Variants in PDE3B observed in about 807,000 individuals in gnomAD.
The protein encoded by PDE3B is cGMP-inhibited 3',5'-cyclic phosphodiesterase 3B.
In PDE3B, 66 loss-of-function variants were observed where a neutral mutation model predicts 116.8. The ratio of observed to expected loss-of-function variants is 0.56; its 90% CI spans 0.46 to 0.69. The LOEUF (loss-of-function observed/expected upper bound fraction) is 0.69. PDE3B is among the 30% of genes least tolerant of loss of function. The pLI is 0.00. For synonymous variants in PDE3B, 595 were observed against 533.6 expected (o/e 1.12, Z -1.59); for missense variants, 1,384 against 1,368.1 (o/e 1.01, Z -0.18).
intron 1 of PDE3B, among the ~76,000 whole-genome samples, chr11:14,675,337 T>C (rs1158168132): frequency 6.6e-6 from 1 of 152,174 alleles, no homozygotes; most frequent in African/African-American, 2.4e-5. Flanking sequence ...CAGTATTTTT[T>C]CTTTCTTATC....
In PDE3B at chr11:14,786,640, T is replaced by C; in HGVS notation, c.1233T>C (p.Ser411=). 2 of 1,612,584 alleles carry C rather than the reference T, an allele frequency of 1.2e-6. No homozygotes were observed. Among genetic ancestry groups the C allele is most frequent in the Non-Finnish European group, 1.7e-6 (2 of 1,178,756 alleles). ...LTPFPGFYPC[S]EIEDPAEKGD... The stretch of plus-strand genomic sequence containing the variant: ...CATTTCCTGGATTTTACCCCTGTTC[T>C]GAAATAGAGGACCCAGCTGAGAAAG... Residue 411 remains serine (S), a synonymous_variant, in exon 3 of 16, where the codon TCT becomes TCC. Coordinates refer to ENST00000282096, the MANE Select transcript of PDE3B (RefSeq NM_000922.4).
chr11:14,699,443 T>G (rs527464537), intron 1 of PDE3B: 1 of 152,020 alleles, frequency 6.6e-6, no homozygotes, highest in South Asian at 2.1e-4. Context: ...AGCTGTTGTT[T>G]CATGTGGAAA....
intron 1 of PDE3B, among the ~76,000 whole-genome samples, chr11:14,722,431 A>G (rs1283262576): frequency 2.6e-5 from 4 of 152,240 alleles, no homozygotes; most frequent in African/African-American, 9.6e-5. Flanking sequence ...TAACATTTTT[A>G]TGTAATGAGA....
At position 14,645,005 on chromosome 11, in the gene PDE3B, T is replaced by G. The variant is rs963801154; in HGVS notation, c.930T>G (p.Ser310Arg). Residue 310 changes from serine (S) to arginine (R), a missense_variant, in exon 1 of 16, where the codon AGT becomes AGG. Physicochemically the swap from Ser to Arg is moderately radical, Grantham distance 110. Coordinates refer to ENST00000282096, the MANE Select transcript of PDE3B (RefSeq NM_000922.4). ...AAACTGCAGCCAGTTACTATGGCAG[T>G]TGCAAAATATTCAGGAGACCGTCGT... ...LGETAASYYG[S>R]CKIFRRPSLP... The G allele has an allele frequency of 7.4e-6, 12 of 1,613,154 alleles. No individual in the cohort carries two copies. Among genetic ancestry groups the G allele is most frequent in the Non-Finnish European group, 1.0e-5 (12 of 1,179,820 alleles).
chr11:14,858,313 T>C (rs1847886676), intron 12 of PDE3B, among the ~76,000 whole-genome samples: 1 of 152,106 alleles, frequency 6.6e-6, no homozygotes, highest in South Asian at 2.1e-4. Flanking sequence ...ATTTAAAGAA[T>C]TGCTTAATTT....
chr11:14,741,340 G>T (rs1170813664), intron 1 of PDE3B, among the ~76,000 whole-genome samples: 1 of 151,930 alleles, frequency 6.6e-6, no homozygotes, highest in East Asian at 1.9e-4. Flanking sequence ...GCATTGATCT[G>T]TTTACCATTA....
At chr11:14,859,760 A>C (rs1316452052) in intron 13 of PDE3B, among the ~76,000 whole-genome samples, 1 of 152,044 alleles carries the variant, frequency 6.6e-6, no homozygotes, top group Non-Finnish European at 1.5e-5. Context: ...CATTCATTCA[A>C]CAAGTATTTA....
chr11:14,693,465 AT>A (rs1855108016), intron 1 of PDE3B, among the ~76,000 whole-genome samples: 2 of 152,198 alleles, frequency 1.3e-5, no homozygotes, highest in South Asian at 4.1e-4. Flanking sequence ...TTAGAGACTA[AT>A]GCAGCTGATA....
rs1474940355 is a variant in PDE3B at position 14,645,010 on chromosome 11, A to G, written c.935A>G (p.Lys312Arg). 4 of 1,613,234 alleles carry G rather than the reference A, an allele frequency of 2.5e-6. No individual in the cohort carries two copies. Among genetic ancestry groups the G allele is most frequent in the Non-Finnish European group, 2.5e-6 (3 of 1,179,848 alleles). The change falls in exon 1 of 16, where the codon AAA becomes AGA. Residue 312 changes from lysine to arginine, a missense_variant. Lys to Arg is a conservative substitution (Grantham distance 26). This residue lies in a region of PDE3B where 956 missense variants were observed against 806.8 expected (regional missense o/e 1.18). Coordinates refer to ENST00000282096, the MANE Select transcript of PDE3B (RefSeq NM_000922.4). ...ETAASYYGSC[K>R]IFRRPSLPCI... ...GCAGCCAGTTACTATGGCAGTTGCA[A>G]AATATTCAGGAGACCGTCGTTGCCT... is the stretch of plus-strand genomic sequence containing the variant.
intron 1 of PDE3B, among the ~76,000 whole-genome samples, chr11:14,735,385 A>G (rs1856568073): frequency 6.6e-6 from 1 of 152,224 alleles, no homozygotes; most frequent in South Asian, 2.1e-4. Context: ...GAAGCAGGAC[A>G]ATAGTGAAGA....
intron 1 of PDE3B, among the ~76,000 whole-genome samples, chr11:14,701,164 T>A (rs1317496000): frequency 6.6e-6 from 1 of 151,776 alleles, no homozygotes; most frequent in African/African-American, 2.4e-5. Flanking sequence ...TATATTTTAA[T>A]TGCAAAAATA....
chr11:14,812,853 T>A (rs936903684), intron 5 of PDE3B, among the ~76,000 whole-genome samples: 1 of 152,188 alleles, frequency 6.6e-6, no homozygotes. Flanking sequence ...AATTCATGTG[T>A]TGAAACCTAA....
intron 12 of PDE3B, among the ~76,000 whole-genome samples, chr11:14,849,253 A>C (rs975028859): frequency 6.6e-5 from 10 of 152,272 alleles, no homozygotes; most frequent in Admixed American, 6.5e-4. Flanking sequence ...TCCCTGTTTA[A>C]TAAATGGTGC....
At chr11:14,793,983 G>C (rs925028440) in intron 4 of PDE3B, among the ~76,000 whole-genome samples, 1 of 152,152 alleles carries the variant, frequency 6.6e-6, no homozygotes, top group African/African-American at 2.4e-5. Flanking sequence ...CAGTTATCAA[G>C]TTTATACAAC....
At chr11:14,827,394 C>T (rs916841300) in intron 7 of PDE3B, among the ~76,000 whole-genome samples, 2 of 152,002 alleles carry the variant, frequency 1.3e-5, no homozygotes, top group African/African-American at 4.8e-5. Flanking sequence ...TGTTTGCAGA[C>T]ATGATTCTAT....
chr11:14,880,626 T>C, the PDE3B span: 1 of 1,601,720 alleles, frequency 6.2e-7, no homozygotes, highest in Non-Finnish European at 8.5e-7. Flanking sequence ...CTTTGTATGT[T>C]TCAATAGCAT....
rs1407560375 is a variant in PDE3B at position 14,785,554 on chromosome 11, A to G, written c.1030-883A>G. Among the ~76,000 whole-genome samples, 3 of 152,238 alleles carry G rather than the reference A, an allele frequency of 2.0e-5. No homozygotes were observed. In the East Asian group the frequency reaches 5.8e-4, roughly 29 times the overall value. On this transcript the variant is annotated intron_variant, in intron 2 of 15. Coordinates refer to ENST00000282096, the MANE Select transcript of PDE3B (RefSeq NM_000922.4). ...CCCAAATGTAAGTTCAAGGTACAAC[A>G]ACAACAACAAAAAACAAAAGTAACA...
chr11:14,764,853 C>T (rs1857452229), intron 1 of PDE3B, among the ~76,000 whole-genome samples: 1 of 151,844 alleles, frequency 6.6e-6, no homozygotes, highest in African/African-American at 2.4e-5. Flanking sequence ...ATACTAGTCT[C>T]CTACCCCTCC....
rs570080921 is a variant in PDE3B at position 14,647,553 on chromosome 11, AT to A, written c.978+2501del. ...TCTTGAAGTTTTACTTAAATGTTGAATGTTGACCTTGCTAACCTATACTTTC... is the reference window on the plus strand; with the variant it reads ...TCTTGAAGTTTTACTTAAATGTTGAAGTTGACCTTGCTAACCTATACTTTC... On this transcript the variant is annotated intron_variant, in intron 1 of 15. Coordinates refer to ENST00000282096, the MANE Select transcript of PDE3B (RefSeq NM_000922.4). Among the ~76,000 whole-genome samples, 393 of 152,156 alleles carry A rather than the reference AT, an allele frequency of 2.6e-3. 1 individual carries two copies. The highest frequency in any genetic ancestry group is 3.6e-3 in the Non-Finnish European group (243 of 67,896).
Sources: allele counts gnomAD v4.1 joint callset (sites outside exome capture counted in the v4.1 genomes callset), GRCh38; gene constraint gnomAD v4.1.1; regional missense constraint gnomAD v4.1.1; transcripts MANE v1.5; gene names NCBI Gene and HGNC (gene_info 2026-07-23, HGNC 2026-07-21).